The following METTL25 variants were observed in gnomAD, a reference collection of about 807,000 sequenced individuals.
METTL25 encodes methyltransferase like 25.
A neutral mutation model predicts 71.6 loss-of-function variants in METTL25; 64 were observed. That is an observed-to-expected ratio of 0.89 (90% CI 0.73 to 1.10). The LOEUF (loss-of-function observed/expected upper bound fraction) is 1.10. Among genes scored for constraint, METTL25 ranks in the 50% least tolerant of loss-of-function variants. The pLI is 0.00. For synonymous variants in METTL25, 287 were observed against 250.3 expected, an observed-to-expected ratio of 1.15 and a Z score of -1.38; for missense variants, 807 against 707.0, an observed-to-expected ratio of 1.14 and a Z score of -1.60.
chr12:82,477,133 T>A (rs1052605255), intron 10 of METTL25, 148 bp from the exon 11 acceptor site: 1 of 467,710 alleles, frequency 2.1e-6, no homozygotes. Flanking sequence ...CTCTGAAATA[T>A]TCATTTTCTG....
intron 5 of METTL25, among the ~76,000 whole-genome samples, chr12:82,407,284 T>C (rs965171763): frequency 6.6e-6 from 1 of 152,144 alleles, no homozygotes; most frequent in African/African-American, 2.4e-5. Context: ...GCATTAGTCT[T>C]GTATCCTGCC....
At chr12:82,469,820 T>C (rs911269898) in intron 9 of METTL25, among the ~76,000 whole-genome samples, 4 of 152,156 alleles carry the variant, frequency 2.6e-5, no homozygotes, top group Admixed American at 1.3e-4. Flanking sequence ...TGACAAGACA[T>C]ACTTTAAACT....
chr12:82,399,501 A>T, intron 4 of METTL25, 107 bp downstream of exon 4: 1 of 885,998 alleles, frequency 1.1e-6, no homozygotes, highest in South Asian at 1.8e-5. Context: ...TTAATCTAAC[A>T]GACCAAGAAA....
chr12:82,385,489 G>A (rs1461386267), intron 1 of METTL25, among the ~76,000 whole-genome samples: 2 of 152,054 alleles, frequency 1.3e-5, no homozygotes, highest in Non-Finnish European at 1.5e-5. Context: ...TAAGATGTGT[G>A]TTTTTTTGAA....
At chr12:82,382,213 G>T (rs919970663) in intron 1 of METTL25, among the ~76,000 whole-genome samples, 3 of 152,296 alleles carry the variant, frequency 2.0e-5, no homozygotes, top group African/African-American at 7.2e-5. Context: ...AAATACTTCT[G>T]TGTCATTGTG....
intron 8 of METTL25, among the ~76,000 whole-genome samples, chr12:82,454,714 C>T (rs1040644906): frequency 5.9e-5 from 9 of 151,868 alleles, no homozygotes; most frequent in African/African-American, 1.9e-4. Flanking sequence ...TGAAGGACAA[C>T]ACCCAGGAAA....
chr12:82,464,977 G>A (rs2137282735), intron 9 of METTL25, among the ~76,000 whole-genome samples: 1 of 151,728 alleles, frequency 6.6e-6, no homozygotes, highest in Non-Finnish European at 1.5e-5. Flanking sequence ...TACTAAATAT[G>A]TTTATTAGTT....
At chr12:82,377,906 T>C (rs1411918011) in intron 1 of METTL25, among the ~76,000 whole-genome samples, 2 of 152,232 alleles carry the variant, frequency 1.3e-5, no homozygotes. Context: ...ATAGCCCTTG[T>C]AAACTCTTAG....
chr12:82,421,485 T>A (rs1888485988), intron 5 of METTL25, among the ~76,000 whole-genome samples: 1 of 152,154 alleles, frequency 6.6e-6, no homozygotes, highest in Non-Finnish European at 1.5e-5. Flanking sequence ...TAGTTTAATT[T>A]TACATATGTT....
chr12:82,448,041 T>G (rs955417456), intron 8 of METTL25, among the ~76,000 whole-genome samples: 2 of 152,068 alleles, frequency 1.3e-5, no homozygotes, highest in East Asian at 3.8e-4. Context: ...AATGGTAAAT[T>G]CTCTTTGAGA....
chr12:82,478,840 G>T (rs574073989), intron 11 of METTL25, 92 bp from the exon 12 acceptor site: 7 of 948,316 alleles, frequency 7.4e-6, no homozygotes, highest in African/African-American at 5.0e-5. Flanking sequence ...TTGTTTTTAT[G>T]TATTTTTTAT....
In METTL25 at chr12:82,399,317, G is replaced by A. The variant is rs769318670; in HGVS notation, c.1054G>A (p.Glu352Lys). The A allele has an allele frequency of 5.6e-6, 9 of 1,612,008 alleles. No individual in the cohort carries two copies. Among genetic ancestry groups the A allele is most frequent in the Non-Finnish European group, 7.6e-6 (9 of 1,178,734 alleles). ...ERRKMTSKSS[E>K]SNIYSPLTSF... Reference sequence around the variant, plus strand: ...AAGAAAAATGACATCAAAGTCAAGTGAATCAAATATATATTCACCTTTAAC... The same window carrying A: ...AAGAAAAATGACATCAAAGTCAAGTAAATCAAATATATATTCACCTTTAAC... The change falls in exon 4 of 12, where the codon GAA (glutamate) becomes AAA (lysine). Residue 352 changes from glutamate to lysine, a missense_variant. Physicochemically the swap from Glu to Lys is moderately conservative, Grantham distance 56 (BLOSUM62 1). Coordinates refer to ENST00000248306, the MANE Select transcript of METTL25 (RefSeq NM_032230.3).
chr12:82,455,689 G>A (rs1423513230), intron 8 of METTL25, among the ~76,000 whole-genome samples: 1 of 151,862 alleles, frequency 6.6e-6, no homozygotes, highest in Admixed American at 6.6e-5. Context: ...TTAGTAGACT[G>A]ATCTAAGGAG....
Position 82,476,631 on chromosome 12 carries a change from T to G in METTL25, c.1573-13T>G. 1 of 1,545,696 alleles carries G rather than the reference T, an allele frequency of 6.5e-7. No individual in the cohort carries two copies. Among genetic ancestry groups the G allele is most frequent in the Non-Finnish European group, 8.9e-7 (1 of 1,129,682 alleles). On this transcript the variant is annotated splice_polypyrimidine_tract_variant and intron_variant, in intron 9 of 11. Coordinates refer to ENST00000248306, the MANE Select transcript of METTL25 (RefSeq NM_032230.3). ...AACTATCGTTAAATTTATTGTTGTT[T>G]TTTATCTTGAAGCTGCCAGAAAAAA...
intron 5 of METTL25, among the ~76,000 whole-genome samples, chr12:82,426,418 G>A (rs1039392452): frequency 1.3e-5 from 2 of 152,034 alleles, no homozygotes; most frequent in African/African-American, 4.8e-5. Flanking sequence ...CCTGTAAACT[G>A]CAGTCGTATC....
At chr12:82,406,544 TTTTA>T (rs1251511915) in intron 5 of METTL25, among the ~76,000 whole-genome samples, 1 of 152,166 alleles carries the variant, frequency 6.6e-6, no homozygotes, top group Non-Finnish European at 1.5e-5. Flanking sequence ...ATATATTGTA[TTTTA>T]TTTATTCAGT....
chr12:82,405,500 A>T (rs935748659), intron 5 of METTL25, among the ~76,000 whole-genome samples: 1 of 152,112 alleles, frequency 6.6e-6, no homozygotes, highest in Non-Finnish European at 1.5e-5. Flanking sequence ...TCTCATACTT[A>T]AAAAAAGTAG....
At position 82,431,026 on chromosome 12, in the gene METTL25, A is replaced by T; in HGVS notation, c.1374+39A>T. 3.0e-6 allele frequency: 4 copies of T among 1,345,058 alleles called. No individual in the cohort carries two copies. In the South Asian group the frequency reaches 5.2e-5, roughly 17 times the overall value. 83.3% of individuals were successfully genotyped at this position (1,345,058 alleles called of 1,614,324 possible). ...TTTTCCTGGAGTAACAGCTTTATCC[A>T]GATGTTGTAGAATTTATTATTTTTG... On this transcript the variant is annotated intron_variant, in intron 6 of 11. Coordinates refer to ENST00000248306, the MANE Select transcript of METTL25 (RefSeq NM_032230.3).
chr12:82,400,097 G>C (rs1886464171), intron 4 of METTL25, among the ~76,000 whole-genome samples: 1 of 152,092 alleles, frequency 6.6e-6, no homozygotes, highest in South Asian at 2.1e-4. Flanking sequence ...GCCAAGGCAG[G>C]TGGATCACGA....
Sources: allele counts gnomAD v4.1 joint callset (sites outside exome capture counted in the v4.1 genomes callset), GRCh38; gene constraint gnomAD v4.1.1; transcripts MANE v1.5; gene names NCBI Gene and HGNC (gene_info 2026-07-23, HGNC 2026-07-21).